LDB2: variants seen among roughly 807,000 people sequenced by gnomAD.
LDB2 encodes the protein LIM domain binding 2.
LDB2 carries 12 observed loss-of-function variants against 44.3 expected under a neutral mutation model. The observed-to-expected ratio is 0.27, with a 90% CI of 0.17 to 0.44. The LOEUF (loss-of-function observed/expected upper bound fraction) is 0.44. Ranked by LOEUF, LDB2 falls within the 20% of genes least tolerant of loss-of-function variation. The pLI is 1.00. For synonymous variants in LDB2, 164 were observed against 174.8 expected (o/e 0.94, Z 0.49); for missense variants, 344 against 473.5 (o/e 0.73, Z 2.54).
chr4:16,508,434 G>T (rs2152218460), intron 7 of LDB2, 101 bp downstream of exon 7: 1 of 1,053,780 alleles, frequency 9.5e-7, no homozygotes, highest in Non-Finnish European at 1.3e-6. Context: ...ACCTGCCCAG[G>T]ATTTTTTTTT....
intron 1 of LDB2, among the ~76,000 whole-genome samples, chr4:16,786,533 T>C (rs1271267999): frequency 2.0e-5 from 3 of 152,118 alleles, no homozygotes; most frequent in African/African-American, 7.2e-5. Context: ...TGCAAACTGG[T>C]CCTACCCTGC....
At chr4:16,771,659 C>T (rs1048229031) in intron 1 of LDB2, among the ~76,000 whole-genome samples, 1 of 152,198 alleles carries the variant, frequency 6.6e-6, no homozygotes, top group Non-Finnish European at 1.5e-5. Flanking sequence ...TCCTGTCTTA[C>T]CCTAACTCCA....
At chr4:16,779,103 G>A (rs962926564) in intron 1 of LDB2, among the ~76,000 whole-genome samples, 1 of 152,168 alleles carries the variant, frequency 6.6e-6, no homozygotes, top group Non-Finnish European at 1.5e-5. Context: ...GAATGACTTA[G>A]CCTGGCCATA....
chr4:16,724,607 T>C (rs1759033172), intron 2 of LDB2, among the ~76,000 whole-genome samples: 1 of 152,086 alleles, frequency 6.6e-6, no homozygotes, highest in South Asian at 2.1e-4. Context: ...AGATGCCCTG[T>C]GAGATTCTCC....
intron 2 of LDB2, among the ~76,000 whole-genome samples, chr4:16,698,425 C>T (rs1752684023): frequency 6.6e-6 from 1 of 152,174 alleles, no homozygotes; most frequent in African/African-American, 2.4e-5. Flanking sequence ...TTCCACACAC[C>T]TCACAGGTCC....
At chr4:16,577,010 A>G (rs1711925765) in intron 5 of LDB2, among the ~76,000 whole-genome samples, 1 of 152,186 alleles carries the variant, frequency 6.6e-6, no homozygotes, top group Non-Finnish European at 1.5e-5. Context: ...GATGCTGAAA[A>G]AGCATTTGAT....
At chr4:16,538,218 A>G (rs1732508382) in intron 5 of LDB2, among the ~76,000 whole-genome samples, 1 of 152,232 alleles carries the variant, frequency 6.6e-6, no homozygotes, top group Non-Finnish European at 1.5e-5. Flanking sequence ...CCAAAGGCCC[A>G]GAGCAGAACA....
At position 16,502,410 on chromosome 4, in the gene LDB2, G is replaced by A; in HGVS notation, c.*233C>T. 1 of 552,460 alleles carries A rather than the reference G, an allele frequency of 1.8e-6. No individual in the cohort carries two copies. Among genetic ancestry groups the A allele is most frequent in the South Asian group, 2.4e-5 (1 of 41,888 alleles). The allele number at this position is 552,460 out of a possible 1,614,324, so 34.2% of individuals were successfully genotyped here. ...CTCATTTTAATTACAATCAGTGCCAGTATCTGTATTACCTGTGAAGGCCTC... is the reference window on the plus strand; with the variant it reads ...CTCATTTTAATTACAATCAGTGCCAATATCTGTATTACCTGTGAAGGCCTC... On this transcript the variant is annotated 3_prime_UTR_variant, in exon 8 of 8. Transcript: ENST00000304523.
chr4:16,726,730 T>C (rs1485241336), intron 2 of LDB2, among the ~76,000 whole-genome samples: 1 of 152,190 alleles, frequency 6.6e-6, no homozygotes, highest in Non-Finnish European at 1.5e-5. Flanking sequence ...AACAGAATCA[T>C]TACCAATAAC....
chr4:16,726,832 C>G (rs1185775202), intron 2 of LDB2, among the ~76,000 whole-genome samples: 1 of 151,964 alleles, frequency 6.6e-6, no homozygotes, highest in African/African-American at 2.4e-5. Context: ...CAAAACAGTC[C>G]CAAATCTATT....
At chr4:16,529,693 C>T (rs550428101) in intron 5 of LDB2, among the ~76,000 whole-genome samples, 1 of 152,330 alleles carries the variant, frequency 6.6e-6, no homozygotes. Context: ...TTTCATTCTT[C>T]CATGCTTTGA....
chr4:16,749,590 AT>A (rs369689786), intron 2 of LDB2, among the ~76,000 whole-genome samples: 2,995 of 135,920 alleles, frequency 0.022, 111 homozygotes, highest in African/African-American at 0.077. Context: ...ATAAAAAAAA[AT>A]ATATATATAT....
chr4:16,619,678 T>C (rs1728321992), intron 2 of LDB2, among the ~76,000 whole-genome samples: 1 of 152,140 alleles, frequency 6.6e-6, no homozygotes, highest in Admixed American at 6.5e-5. Flanking sequence ...ATTCGTGCAA[T>C]TTCAGGCTGT....
intron 2 of LDB2, among the ~76,000 whole-genome samples, chr4:16,615,103 A>AATAGATGC (rs547703357): frequency 4.6e-5 from 7 of 151,718 alleles, no homozygotes; most frequent in Admixed American, 2.0e-4. Context: ...GTCAAGAAAC[A>AATAGATGC]ATAGATGCTG....
At chr4:16,690,581 G>T (rs1269636784) in intron 2 of LDB2, among the ~76,000 whole-genome samples, 3 of 148,908 alleles carry the variant, frequency 2.0e-5, no homozygotes, top group Non-Finnish European at 4.4e-5. Flanking sequence ...AGGAAGACAG[G>T]AAACGAAGGA....
intron 1 of LDB2, among the ~76,000 whole-genome samples, chr4:16,885,353 T>C (rs1212636194): frequency 1.3e-5 from 2 of 151,718 alleles, no homozygotes; most frequent in African/African-American, 4.8e-5. Context: ...AAGAAAGTGA[T>C]AACAAAATGG....
At chr4:16,689,062 C>T (rs554353058) in intron 2 of LDB2, among the ~76,000 whole-genome samples, 1 of 152,308 alleles carries the variant, frequency 6.6e-6, no homozygotes, top group South Asian at 2.1e-4. Flanking sequence ...TTACTAACAG[C>T]AGGATGCTGC....
chr4:16,794,205 A>T (rs1208199836), intron 1 of LDB2, among the ~76,000 whole-genome samples: 2 of 152,138 alleles, frequency 1.3e-5, no homozygotes, highest in Non-Finnish European at 2.9e-5. Flanking sequence ...CCTGGGGCAG[A>T]GCTGAGATGA....
At chr4:16,543,918 A>G (rs557227817) in intron 5 of LDB2, among the ~76,000 whole-genome samples, 122 of 152,332 alleles carry the variant, frequency 8.0e-4, no homozygotes, top group African/African-American at 2.9e-3. Context: ...AATTTACAAG[A>G]AAAAAATCAA....
Sources: gnomAD v4.1 joint callset for allele counts (sites outside exome capture counted in the v4.1 genomes callset) on GRCh38, gnomAD v4.1.1 for gene constraint, MANE v1.5 for transcripts, NCBI Gene and HGNC (gene_info 2026-07-23, HGNC 2026-07-21) for gene names.